The following PRKAR1A variants were observed in gnomAD, a reference collection of about 807,000 sequenced individuals.
PRKAR1A encodes protein kinase cAMP-dependent type I regulatory subunit alpha.
A neutral mutation model predicts 52.0 loss-of-function variants in PRKAR1A; 3 were observed. The ratio of observed to expected loss-of-function variants is 0.06; its 90% CI spans 0.03 to 0.15. The LOEUF (loss-of-function observed/expected upper bound fraction) is 0.15, where lower values mean the gene tolerates loss of function less well. Among genes scored for constraint, PRKAR1A ranks in the 10% least tolerant of loss-of-function variants. The probability of loss-of-function intolerance (pLI) is 1.00; values close to 1 mark genes in which losing one functional copy is unlikely to be tolerated. For missense variants in PRKAR1A, 240 were observed against 477.4 expected (o/e 0.50, Z 4.63); for synonymous variants, 188 against 168.4 (o/e 1.12, Z -0.90).
At position 68,528,039 on chromosome 17, in the gene PRKAR1A, G is replaced by A; in HGVS notation, c.769+139G>A. ...AGACAGAAGGGCTGAAAGTCCTTCTGACTGTGGACATTCACAGTTATTTCC... is the reference window on the plus strand; with the variant it reads ...AGACAGAAGGGCTGAAAGTCCTTCTAACTGTGGACATTCACAGTTATTTCC... On this transcript the variant is annotated intron_variant, in intron 8 of 10. Coordinates refer to ENST00000589228, the MANE Select transcript of PRKAR1A (RefSeq NM_002734.5). The A allele has an allele frequency of 2.2e-5, 16 of 735,090 alleles. No homozygotes were observed. The South Asian group carries it at 2.4e-4, about 11-fold the overall frequency. 45.5% of individuals were successfully genotyped at this position (735,090 alleles called of 1,614,324 possible).
the PRKAR1A span, chr17:68,421,505 C>G: frequency 2.1e-6 from 1 of 473,050 alleles, no homozygotes; most frequent in East Asian, 3.4e-5. Context: ...CGGTTATATA[C>G]CAATATGGTT....
the PRKAR1A span, among the ~76,000 whole-genome samples, chr17:68,446,202 A>G: frequency 1.3e-5 from 2 of 151,630 alleles, no homozygotes; most frequent in African/African-American, 4.8e-5. Flanking sequence ...TTTTTTTCAG[A>G]CAGGGTCTCG....
intron 2 of PRKAR1A, 21 bp from the exon 3 acceptor site, chr17:68,522,735 C>T (rs2143271415): frequency 1.2e-6 from 2 of 1,613,744 alleles, no homozygotes; most frequent in South Asian, 1.1e-5. Flanking sequence ...TCTCATTTTG[C>T]AAACTCGTAA....
At chr17:68,460,710 A>T in the PRKAR1A span, among the ~76,000 whole-genome samples, 2 of 152,252 alleles carry the variant, frequency 1.3e-5, no homozygotes, top group African/African-American at 2.4e-5. Flanking sequence ...AGGTAAATTT[A>T]AAAAATGATG....
At chr17:68,416,388 T>A in the PRKAR1A span, among the ~76,000 whole-genome samples, 11 of 152,348 alleles carry the variant, frequency 7.2e-5, no homozygotes, top group South Asian at 2.1e-3. Flanking sequence ...TTAATCCTGA[T>A]AGGTTTTCCT....
At chr17:68,538,138 G>A (rs1259953841), downstream of PRKAR1A, among the ~76,000 whole-genome samples, 2 of 152,196 alleles carry the variant, frequency 1.3e-5, no homozygotes, top group South Asian at 2.1e-4. Flanking sequence ...AAATCCCCCA[G>A]TACTGCCAGC....
At chr17:68,510,159 C>CAGAGAGAGAGAGAGAGAGAGAGAGAG (rs35144524), upstream of PRKAR1A, among the ~76,000 whole-genome samples, 312 of 127,586 alleles carry the variant, frequency 2.4e-3, 13 homozygotes, top group Non-Finnish European at 3.9e-3. Context: ...TATATGTAGA[C>CAGAGAGAGAGAGAGAGAGAGAGAGAG]AGAGAGAGAG....
the PRKAR1A span, chr17:68,413,695 A>G: frequency 3.3e-4 from 52 of 157,338 alleles, no homozygotes; most frequent in Middle Eastern, 2.9e-3. Flanking sequence ...GGGCAATGGC[A>G]GGCGCCCCTC....
intron 11 of PRKAR1A, chr17:68,542,190 G>T: frequency 6.2e-7 from 1 of 1,613,138 alleles, no homozygotes; most frequent in Non-Finnish European, 8.5e-7. Flanking sequence ...GGAGAGAGGA[G>T]GAGTAAGTGG....
At chr17:68,520,476 T>C (rs150039643) in intron 2 of PRKAR1A, among the ~76,000 whole-genome samples, 1 of 152,332 alleles carries the variant, frequency 6.6e-6, no homozygotes, top group African/African-American at 2.4e-5. Flanking sequence ...TTTATTGATA[T>C]ATAACATTTG....
rs552049769 is a variant in PRKAR1A at position 68,530,583 on chromosome 17, G to A, written c.*134G>A. 10 of 1,559,096 alleles carry A rather than the reference G, an allele frequency of 6.4e-6. No individual in the cohort carries two copies. The African/African-American group carries it at 1.2e-4, about 19-fold the overall frequency. The stretch of plus-strand genomic sequence containing the variant: ...CTTCCTGTCTGTTTATATATTGAAA[G>A]TTGCTTTTATTGCACCATTTTCAAT... On this transcript the variant is annotated 3_prime_UTR_variant, in exon 11 of 11. Coordinates refer to ENST00000589228, the MANE Select transcript of PRKAR1A (RefSeq NM_002734.5).
the PRKAR1A span, among the ~76,000 whole-genome samples, chr17:68,429,795 G>T: frequency 1.3e-5 from 2 of 152,078 alleles, no homozygotes; most frequent in South Asian, 2.1e-4. Flanking sequence ...CACCACGTTG[G>T]CCAGGCTGGT....
chr17:68,489,399 A>G, the PRKAR1A span, among the ~76,000 whole-genome samples: 2 of 10,202 alleles, frequency 2.0e-4, no homozygotes, highest in Non-Finnish European at 3.3e-4. Context: ...ATATATATGG[A>G]AAGTATATAT....
the PRKAR1A span, among the ~76,000 whole-genome samples, chr17:68,467,699 C>A: frequency 1.3e-5 from 2 of 152,208 alleles, no homozygotes; most frequent in African/African-American, 2.4e-5. Context: ...AACTCGATAT[C>A]TGAAGCAGAT....
chr17:68,436,323 T>G, the PRKAR1A span: 1 of 1,525,490 alleles, frequency 6.6e-7, no homozygotes, highest in Non-Finnish European at 9.1e-7. Flanking sequence ...ATCTATCTCC[T>G]TCCATGACCA....
chr17:68,508,561 A>G (rs938448330), upstream of PRKAR1A, among the ~76,000 whole-genome samples: 5 of 152,214 alleles, frequency 3.3e-5, no homozygotes, highest in Admixed American at 2.0e-4. Flanking sequence ...TTTAAAAACT[A>G]TTGGGTACTA....
At chr17:68,493,888 G>A in the PRKAR1A span, among the ~76,000 whole-genome samples, 1 of 152,076 alleles carries the variant, frequency 6.6e-6, no homozygotes, top group Non-Finnish European at 1.5e-5. Context: ...CACGGCACCT[G>A]GCCCAACACG....
chr17:68,530,629 T>A lies in PRKAR1A; in HGVS notation c.*180T>A. ...TCAATTTGGAGCATTAACTAAATGCTCATACACAGTTAAATAAATAGAAAG... is the reference window on the plus strand; with the variant it reads ...TCAATTTGGAGCATTAACTAAATGCACATACACAGTTAAATAAATAGAAAG... On this transcript the variant is annotated 3_prime_UTR_variant, in exon 11 of 11. Coordinates refer to ENST00000589228, the MANE Select transcript of PRKAR1A (RefSeq NM_002734.5). 6.6e-7 allele frequency: 1 copy of A among 1,509,564 alleles called. No individual in the cohort carries two copies. The highest frequency in any genetic ancestry group is 2.1e-5 in the Admixed American group (1 of 48,016). 93.5% of individuals were successfully genotyped at this position (1,509,564 alleles called of 1,614,324 possible). A position where few individuals can be genotyped will look rare whatever the true frequency, so the allele number is the denominator to read the frequency against.
chr17:68,548,874 C>A (rs867415594), intron 11 of PRKAR1A, among the ~76,000 whole-genome samples: 14 of 151,106 alleles, frequency 9.3e-5, no homozygotes, highest in Non-Finnish European at 1.3e-4. Flanking sequence ...CTGGGACTAC[C>A]GGCACCCACC....
Sources: allele counts gnomAD v4.1 joint callset (sites outside exome capture counted in the v4.1 genomes callset), GRCh38; gene constraint gnomAD v4.1.1; transcripts MANE v1.5; gene names NCBI Gene and HGNC (gene_info 2026-07-23, HGNC 2026-07-21).